HIPK3: variants seen among roughly 807,000 people sequenced by gnomAD.
HIPK3 encodes the protein homeodomain interacting protein kinase 3, also known as homeodomain-interacting protein kinase 3.
HIPK3 carries 47 observed loss-of-function variants against 124.2 expected under a neutral mutation model. The observed-to-expected ratio is 0.38, with a 90% CI of 0.30 to 0.48. The LOEUF (loss-of-function observed/expected upper bound fraction) is 0.48, where lower values mean the gene tolerates loss of function less well. HIPK3 is among the 20% of genes least tolerant of loss of function. The pLI, the probability that HIPK3 is intolerant of heterozygous loss-of-function variation, is 0.98. For synonymous variants in HIPK3, 482 were observed against 515.2 expected, an observed-to-expected ratio of 0.94 and a Z score of 0.87; for missense variants, 1,286 against 1,454.3, an observed-to-expected ratio of 0.88 and a Z score of 1.88.
chr11:33,338,726 A>G lies in HIPK3; in HGVS notation c.1342-31A>G, dbSNP rs575196538. 13 of 1,392,080 alleles carry G rather than the reference A, an allele frequency of 9.3e-6. No homozygotes were observed. The South Asian group carries it at 1.6e-4, about 17-fold the overall frequency. 86.2% of individuals were successfully genotyped at this position (1,392,080 alleles called of 1,614,324 possible). ...GGATTAAAGAAATTTGTAATAATGT[A>G]TTCTTTTTTCCCTTTGATATATGCA... On this transcript the variant is annotated intron_variant, in intron 4 of 16. Coordinates refer to ENST00000303296, the MANE Select transcript of HIPK3 (RefSeq NM_005734.5).
intron 2 of HIPK3, among the ~76,000 whole-genome samples, chr11:33,327,072 G>GT (rs1852832692): frequency 6.6e-6 from 1 of 151,718 alleles, no homozygotes; most frequent in African/African-American, 2.4e-5. Flanking sequence ...ACTCATACAG[G>GT]TAAATAAATG....
intron 6 of HIPK3, 28 bp downstream of exon 6, chr11:33,339,562 G>T: frequency 7.0e-7 from 1 of 1,433,990 alleles, no homozygotes; most frequent in Non-Finnish European, 9.5e-7. Context: ...CTTTTAAAGT[G>T]GTTCTAAAAA....
At position 33,268,174 on chromosome 11, in the gene HIPK3, G is replaced by A. The variant is rs941746870; in HGVS notation, c.-3+10285G>A. Among the ~76,000 whole-genome samples the A allele has an allele frequency of 1.3e-5, 2 of 152,156 alleles. 1 individual carries two copies. The highest frequency in any genetic ancestry group is 2.9e-5 in the Non-Finnish European group (2 of 68,042). Reference sequence around the variant, plus strand: ...TACAGTGAGCCAAGATGGTGCCACTGCACTCCAGCTTGGGAGATGAGTGAA... The same window carrying A: ...TACAGTGAGCCAAGATGGTGCCACTACACTCCAGCTTGGGAGATGAGTGAA... On this transcript the variant is annotated intron_variant, in intron 1 of 16. Coordinates refer to ENST00000303296, the MANE Select transcript of HIPK3 (RefSeq NM_005734.5).
Position 33,300,277 on chromosome 11 carries a change from C to T in HIPK3, c.1097+12766C>T, listed in dbSNP as rs180843142. 3.3e-5 allele frequency among the ~76,000 whole-genome samples: 5 copies of T among 151,268 alleles called. No individual in the cohort carries two copies. The East Asian group carries it at 5.8e-4, about 18-fold the overall frequency. On this transcript the variant is annotated intron_variant, in intron 2 of 16. Transcript: ENST00000303296. ...AGGAGAATCGCTTGAACCTGGGAGG[C>T]GGAGGTTGCGGTGAGCTGAGAGATC...
rs766367514 is a variant in HIPK3, at chr11:33,354,553, CA to C, written c.*989del. On this transcript the variant is annotated 3_prime_UTR_variant, in exon 17 of 17. Coordinates refer to ENST00000303296, the MANE Select transcript of HIPK3 (RefSeq NM_005734.5). ...ATGACTTTGGGTAGATAATAAAATGCAAAATGCTCATTGATTCATGATGTGG... is the reference window on the plus strand; with the variant it reads ...ATGACTTTGGGTAGATAATAAAATGCAAATGCTCATTGATTCATGATGTGG... 1.2e-4 allele frequency: 18 copies of C among 152,618 alleles called. No homozygotes were observed. Among genetic ancestry groups the C allele is most frequent in the Admixed American group, 7.9e-4 (12 of 15,280 alleles). 9.5% of individuals were successfully genotyped at this position (152,618 alleles called of 1,614,324 possible).
In HIPK3 at chr11:33,328,756, T is replaced by C. The variant is rs1852883919; in HGVS notation, c.1221+123T>C. 16 of 770,070 alleles carry C rather than the reference T, an allele frequency of 2.1e-5. No homozygotes were observed. The East Asian group carries it at 4.4e-4, about 21-fold the overall frequency. The allele number at this position is 770,070 out of a possible 1,614,324, so 47.7% of individuals were successfully genotyped here. On this transcript the variant is annotated intron_variant, in intron 3 of 16. Coordinates refer to ENST00000303296, the MANE Select transcript of HIPK3 (RefSeq NM_005734.5). ...GTCTTTTTAACATAAAGTGGCAGAA[T>C]CTGGGATCTTGTAGAATTGATTTTG...
chr11:33,288,455 C>CA (rs986899342), intron 2 of HIPK3, among the ~76,000 whole-genome samples: 34 of 152,006 alleles, frequency 2.2e-4, no homozygotes, highest in Admixed American at 1.9e-3. Flanking sequence ...AACTCTGTCT[C>CA]AAAAAAACAA....
chr11:33,307,087 C>T (rs1201028352), intron 2 of HIPK3, among the ~76,000 whole-genome samples: 2 of 151,956 alleles, frequency 1.3e-5, no homozygotes, highest in African/African-American at 4.8e-5. Flanking sequence ...TATAGGCATC[C>T]GCCACCATGC....
intron 2 of HIPK3, among the ~76,000 whole-genome samples, chr11:33,305,761 T>G (rs1852138465): frequency 6.6e-6 from 1 of 152,236 alleles, no homozygotes; most frequent in South Asian, 2.1e-4. Flanking sequence ...GTTTGTTTTT[T>G]AAGTCCTCAT....
Position 33,347,717 on chromosome 11 carries a change from A to G in HIPK3, c.2108A>G (p.Glu703Gly). Residue 703 changes from glutamate (E) to glycine (G), a missense_variant, in exon 10 of 17, where the codon GAG (glutamate) becomes GGG (glycine). Glu to Gly is a moderately conservative substitution (Grantham distance 98, BLOSUM62 -2). Transcript: ENST00000303296. ...LAPATTTLTS[E>G]SVAGSHRLGD... ...CCTGCTACTACTACACTAACTTCTG[A>G]GAGTGTGGCTGGTTCACACAGGCTT... The G allele has an allele frequency of 6.2e-7, 1 of 1,614,206 alleles. No individual in the cohort carries two copies. The highest frequency in any genetic ancestry group is 1.1e-5 in the South Asian group (1 of 91,084).
rs1853812313 is a variant in HIPK3, at chr11:33,356,185, T to G, written c.*2617T>G. The G allele has an allele frequency of 6.6e-6, 1 of 152,086 alleles. No individual in the cohort carries two copies. Among genetic ancestry groups the G allele is most frequent in the Admixed American group, 6.5e-5 (1 of 15,278 alleles). 9.4% of individuals were successfully genotyped at this position (152,086 alleles called of 1,614,324 possible). ...AAGACTTAAAGCAGTCTTGTTAAAT[T>G]GACATAAATGGTAAACTTCAACATT... is the stretch of plus-strand genomic sequence containing the variant. On this transcript the variant is annotated 3_prime_UTR_variant, in exon 17 of 17. Transcript: ENST00000303296.
chr11:33,312,001 GA>G (rs926505283), intron 2 of HIPK3, among the ~76,000 whole-genome samples: 1 of 72,462 alleles, frequency 1.4e-5, no homozygotes, highest in Non-Finnish European at 3.2e-5. Flanking sequence ...CACACACCAC[GA>G]AAAAATACAG....
intron 2 of HIPK3, among the ~76,000 whole-genome samples, chr11:33,291,668 C>T (rs973118432): frequency 2.0e-5 from 3 of 152,122 alleles, no homozygotes; most frequent in Non-Finnish European, 4.4e-5. Context: ...AAGGCTTTAG[C>T]GGCAGAAGGT....
At chr11:33,299,518 C>G (rs1851933764) in intron 2 of HIPK3, among the ~76,000 whole-genome samples, 1 of 151,782 alleles carries the variant, frequency 6.6e-6, no homozygotes, top group Non-Finnish European at 1.5e-5. Flanking sequence ...GAATCTAATG[C>G]TGGTGGAGAT....
intron 2 of HIPK3, among the ~76,000 whole-genome samples, chr11:33,298,082 A>T (rs1419046639): frequency 6.6e-6 from 1 of 151,904 alleles, no homozygotes; most frequent in Non-Finnish European, 1.5e-5. Flanking sequence ...GAGCCACCGC[A>T]CCCAGCCAGA....
intron 1 of HIPK3, among the ~76,000 whole-genome samples, chr11:33,261,164 T>A (rs1048119931): frequency 6.8e-6 from 1 of 146,982 alleles, no homozygotes; most frequent in African/African-American, 2.5e-5. Flanking sequence ...TAAATATATA[T>A]AATACATTAT....
At chr11:33,337,451 G>T (rs954394782) in intron 4 of HIPK3, among the ~76,000 whole-genome samples, 1 of 151,976 alleles carries the variant, frequency 6.6e-6, no homozygotes, top group East Asian at 1.9e-4. Context: ...CGCCTCCTGG[G>T]TTCAACCAAT....
intron 3 of HIPK3, among the ~76,000 whole-genome samples, chr11:33,333,784 CT>C (rs1156829854): frequency 6.6e-6 from 1 of 152,168 alleles, no homozygotes; most frequent in Non-Finnish European, 1.5e-5. Context: ...TTCACAATGG[CT>C]TACTAGCTTA....
chr11:33,334,981 GA>G (rs1853097491), intron 3 of HIPK3, among the ~76,000 whole-genome samples: 1 of 152,156 alleles, frequency 6.6e-6, no homozygotes, highest in African/African-American at 2.4e-5. Flanking sequence ...GGACAGTTGT[GA>G]AAAATGTTAA....
Sources: allele counts gnomAD v4.1 joint callset (sites outside exome capture counted in the v4.1 genomes callset), GRCh38; gene constraint gnomAD v4.1.1; transcripts MANE v1.5; gene names NCBI Gene and HGNC (gene_info 2026-07-23, HGNC 2026-07-21).